The following SLC25A21 variants were observed in gnomAD, a reference collection of about 807,000 sequenced individuals.
SLC25A21 encodes mitochondrial 2-oxodicarboxylate carrier.
In SLC25A21, 47 loss-of-function variants were observed where a neutral mutation model predicts 43.8. The observed-to-expected ratio is 1.07, with a 90% confidence interval of 0.85 to 1.37. The LOEUF (loss-of-function observed/expected upper bound fraction) is 1.37, where lower values mean the gene tolerates loss of function less well. Among genes scored for constraint, SLC25A21 ranks in the 40% most tolerant of loss-of-function variants. SLC25A21 has a pLI of 0.00. For missense variants in SLC25A21, 352 were observed against 350.2 expected, an observed-to-expected ratio of 1.00 and a Z score of -0.04; for synonymous variants, 131 against 121.3, an observed-to-expected ratio of 1.08 and a Z score of -0.52.
At chr14:36,897,933 G>A (rs571465604) in intron 1 of SLC25A21, among the ~76,000 whole-genome samples, 4 of 152,246 alleles carry the variant, frequency 2.6e-5, no homozygotes, top group South Asian at 2.1e-4. Flanking sequence ...GTGAGGTGTC[G>A]GTCTGACCCT....
chr14:37,049,933 T>TA (rs1323304983), intron 1 of SLC25A21, among the ~76,000 whole-genome samples: 1 of 152,204 alleles, frequency 6.6e-6, no homozygotes, highest in Non-Finnish European at 1.5e-5. Context: ...CACATATAGC[T>TA]AATGGCTACT....
At chr14:37,144,687 C>A (rs1357295429) in intron 1 of SLC25A21, among the ~76,000 whole-genome samples, 1 of 151,944 alleles carries the variant, frequency 6.6e-6, no homozygotes, top group African/African-American at 2.4e-5. Flanking sequence ...AGAATGTAAA[C>A]AGAAATATAG....
chr14:37,152,348 C>G (rs1182902749), intron 1 of SLC25A21, among the ~76,000 whole-genome samples: 1 of 151,172 alleles, frequency 6.6e-6, no homozygotes, highest in Non-Finnish European at 1.5e-5. Context: ...CTTTGAAAAC[C>G]ATTAGCGTCC....
At chr14:37,110,739 T>C (rs1019909730) in intron 1 of SLC25A21, among the ~76,000 whole-genome samples, 7 of 152,170 alleles carry the variant, frequency 4.6e-5, no homozygotes, top group African/African-American at 1.7e-4. Context: ...AATGAAACTC[T>C]TTCACTCCCA....
intron 3 of SLC25A21, among the ~76,000 whole-genome samples, chr14:36,757,627 G>A (rs1028860843): frequency 7.9e-5 from 12 of 152,052 alleles, no homozygotes; most frequent in Non-Finnish European, 1.8e-4. Flanking sequence ...TAGCTGTCTT[G>A]TATTTCATTG....
At chr14:37,131,346 G>A (rs543864018) in intron 1 of SLC25A21, among the ~76,000 whole-genome samples, 3 of 152,274 alleles carry the variant, frequency 2.0e-5, no homozygotes, top group South Asian at 2.1e-4. Context: ...TATCGGGTCC[G>A]TTTGTGAACA....
intron 1 of SLC25A21, among the ~76,000 whole-genome samples, chr14:36,971,674 T>C (rs562548431): frequency 3.6e-4 from 55 of 152,134 alleles, no homozygotes; most frequent in African/African-American, 1.2e-3. Context: ...TTCTGCCTAT[T>C]AAACTTTCCA....
intron 2 of SLC25A21, among the ~76,000 whole-genome samples, chr14:36,871,195 T>A (rs1054756566): frequency 1.3e-5 from 2 of 150,852 alleles, no homozygotes; most frequent in African/African-American, 2.4e-5. Flanking sequence ...CTTTAGGAGG[T>A]CATGAGGGTA....
intron 2 of SLC25A21, among the ~76,000 whole-genome samples, chr14:36,835,060 C>G (rs941771683): frequency 9.2e-5 from 14 of 152,182 alleles, no homozygotes; most frequent in Non-Finnish European, 1.8e-4. Context: ...ATCTCGATAA[C>G]AATTTAGCAC....
chr14:37,131,674 G>C (rs573140610), intron 1 of SLC25A21, among the ~76,000 whole-genome samples: 2 of 152,106 alleles, frequency 1.3e-5, no homozygotes, highest in Non-Finnish European at 2.9e-5. Flanking sequence ...AATTGGCAAC[G>C]GTCTTTGTTT....
At chr14:37,034,529 CCAA>C (rs1961286599) in intron 1 of SLC25A21, among the ~76,000 whole-genome samples, 1 of 152,136 alleles carries the variant, frequency 6.6e-6, no homozygotes, top group South Asian at 2.1e-4. Flanking sequence ...CAAAGGATCA[CCAA>C]TCCCCTGGGC....
At chr14:36,741,328 T>C (rs1885253450) in intron 3 of SLC25A21, among the ~76,000 whole-genome samples, 1 of 152,196 alleles carries the variant, frequency 6.6e-6, no homozygotes. Flanking sequence ...AAAAACAGTG[T>C]AGCTGCTTCA....
chr14:37,162,189 G>A (rs1566923743), intron 1 of SLC25A21, among the ~76,000 whole-genome samples: 2 of 152,086 alleles, frequency 1.3e-5, no homozygotes, highest in East Asian at 1.9e-4. Context: ...AGAAATTTCT[G>A]AAAATTTTCT....
At chr14:36,751,763 G>C (rs1444170848) in intron 3 of SLC25A21, among the ~76,000 whole-genome samples, 1 of 152,160 alleles carries the variant, frequency 6.6e-6, no homozygotes, top group Non-Finnish European at 1.5e-5. Context: ...AAGTCCAGAA[G>C]CTAGGGGGAT....
intron 3 of SLC25A21, among the ~76,000 whole-genome samples, chr14:36,779,272 TAAG>T (rs1371312313): frequency 6.9e-6 from 1 of 145,548 alleles, no homozygotes; most frequent in Non-Finnish European, 1.5e-5. Context: ...TAAGAATATA[TAAG>T]AATTCTTATA....
chr14:36,681,464 G>C (rs1018839669), intron 9 of SLC25A21, among the ~76,000 whole-genome samples: 28 of 152,202 alleles, frequency 1.8e-4, no homozygotes, highest in Non-Finnish European at 1.8e-4. Context: ...TGAGGCTGCT[G>C]AATACCTAGC....
chr14:37,123,560 A>G (rs7151756), intron 1 of SLC25A21, among the ~76,000 whole-genome samples: 19,258 of 152,228 alleles, frequency 0.13, 3,080 homozygotes, highest in African/African-American at 0.37. Flanking sequence ...CATATAGCCA[A>G]CAAGGTTTTA....
intron 2 of SLC25A21, among the ~76,000 whole-genome samples, chr14:36,867,684 C>G (rs1220810847): frequency 6.6e-6 from 1 of 152,056 alleles, no homozygotes. Flanking sequence ...AACACTTCCC[C>G]CTCCCATACT....
chr14:36,887,894 C>G (rs1036661720), intron 1 of SLC25A21, among the ~76,000 whole-genome samples: 1 of 152,128 alleles, frequency 6.6e-6, no homozygotes, highest in Admixed American at 6.6e-5. Context: ...CAGTTTGACA[C>G]AAGAGTCAGG....
Sources: allele counts gnomAD v4.1 joint callset (sites outside exome capture counted in the v4.1 genomes callset), GRCh38; gene constraint gnomAD v4.1.1; transcripts MANE v1.5; gene names NCBI Gene and HGNC (gene_info 2026-07-23, HGNC 2026-07-21).